The following CCR3 variants were observed in gnomAD, a reference collection of about 807,000 sequenced individuals.
CCR3 encodes C-C motif chemokine receptor 3, also known as C-C chemokine receptor type 3.
For synonymous variants in CCR3, 203 were observed against 179.2 expected, an observed-to-expected ratio of 1.13 and a Z score of -1.06; for missense variants, 419 against 437.5, an observed-to-expected ratio of 0.96 and a Z score of 0.38.
intron 1 of CCR3, among the ~76,000 whole-genome samples, chr3:46,246,241 G>A (rs1700187044): frequency 6.6e-6 from 1 of 152,150 alleles, no homozygotes; most frequent in African/African-American, 2.4e-5. Context: ...CTGGACACTA[G>A]GCCTGTACTG....
rs536822674 is a variant in CCR3 at position 46,221,217 on chromosome 3, C to T, written c.-68+10310C>T. On this transcript the variant is annotated intron_variant, in intron 2 of 3. Coordinates refer to the CCR3 transcript ENST00000357422. ...GTTGTGCCTGTTTTGATTCTTCCTC[C>T]AGAAAGCTGGTTGTTAACATTTACC... is the stretch of plus-strand genomic sequence containing the variant. Among the ~76,000 whole-genome samples the T allele has an allele frequency of 4.8e-5, 7 of 146,872 alleles. No individual in the cohort carries two copies. In the South Asian group the frequency reaches 1.6e-3, roughly 33 times the overall value.
chr3:46,265,978 G>T lies in CCR3; in HGVS notation c.820G>T (p.Glu274Ter). 6.2e-7 allele frequency: 1 copy of T among 1,614,078 alleles called. No individual in the cohort carries two copies. Among genetic ancestry groups the T allele is most frequent in the Non-Finnish European group, 8.5e-7 (1 of 1,180,010 alleles). The change falls in exon 2 of 2, where the codon GAG becomes TAG. Residue 274 changes from glutamate (E) to a stop codon, truncating the protein, a stop_gained. Coordinates refer to ENST00000395940, the MANE Select transcript of CCR3 (RefSeq NM_178329.3). LOFTEE classifies it low-confidence loss of function (END_TRUNC). ...YQSILFGNDCERSKHLDLVML... is the reference protein window; with the variant it reads ...YQSILFGNDC ...ATCCATCTTATTTGGAAATGACTGT[G>T]AGCGGAGCAAGCATCTGGACCTGGT...
intron 1 of CCR3, chr3:46,264,526 A>G (rs955265094): frequency 1.1e-6 from 1 of 930,178 alleles, no homozygotes; most frequent in Admixed American, 2.4e-5. Flanking sequence ...GGAGAAATGG[A>G]CATGGATAGA....
rs199716185 is a variant in CCR3, at chr3:46,265,545, C to A, written c.387C>A (p.Ile129=). The A allele has an allele frequency of 6.2e-6, 10 of 1,614,088 alleles. No homozygotes were observed. The highest frequency in any genetic ancestry group is 7.6e-6 in the Non-Finnish European group (9 of 1,179,996). ...TCTTTTTCATAATCCTGCTGACAAT[C>A]GACAGGTACCTGGCCATTGTCCATG... ...SEIFFIILLT[I]DRYLAIVHAV... Residue 129 remains isoleucine (I), a synonymous_variant, in exon 2 of 2, where the codon ATC becomes ATA. Coordinates refer to ENST00000395940, the MANE Select transcript of CCR3 (RefSeq NM_178329.3).
At chr3:46,227,171 A>T (rs1479883508) in intron 2 of CCR3, among the ~76,000 whole-genome samples, 2 of 152,150 alleles carry the variant, frequency 1.3e-5, no homozygotes, top group African/African-American at 4.8e-5. Flanking sequence ...GACCTGAGCC[A>T]CCACGCCCAG....
intron 2 of CCR3, among the ~76,000 whole-genome samples, chr3:46,213,569 C>A (rs888963453): frequency 1.3e-5 from 2 of 152,174 alleles, no homozygotes; most frequent in African/African-American, 2.4e-5. Context: ...CCACAATGCA[C>A]AAATTTCCTC....
upstream of CCR3, among the ~76,000 whole-genome samples, chr3:46,239,948 C>T (rs1700062802): frequency 1.3e-5 from 2 of 152,234 alleles, no homozygotes; most frequent in Non-Finnish European, 2.9e-5. Flanking sequence ...TCCCACATTT[C>T]CATGGAATCT....
At chr3:46,231,589 T>C (rs1199767996) in intron 2 of CCR3, among the ~76,000 whole-genome samples, 4 of 152,210 alleles carry the variant, frequency 2.6e-5, no homozygotes, top group Non-Finnish European at 5.9e-5. Flanking sequence ...CACTGCATCG[T>C]ATACTTAAAA....
chr3:46,260,001 A>T (rs568762060), intron 1 of CCR3, among the ~76,000 whole-genome samples: 106 of 152,350 alleles, frequency 7.0e-4, no homozygotes, highest in African/African-American at 2.5e-3. Context: ...GAGGCCTCAC[A>T]ATCATGAGGG....
Position 46,265,709 on chromosome 3 carries a change from G to A in CCR3, c.551G>A (p.Ser184Asn). 13 of 1,613,980 alleles carry A rather than the reference G, an allele frequency of 8.1e-6. No individual in the cohort carries two copies. The highest frequency in any genetic ancestry group is 1.1e-5 in the Non-Finnish European group (13 of 1,179,978). ...TEELFEETLC[S>N]ALYPEDTVYS... ...GAGTTGTTTGAAGAGACTCTTTGCA[G>A]TGCTCTTTACCCAGAGGATACAGTA... The change falls in exon 2 of 2, where the codon AGT (serine) becomes AAT (asparagine). Residue 184 changes from serine (S) to asparagine (N), a missense_variant. Ser to Asn is a conservative substitution (Grantham distance 46). Coordinates refer to ENST00000395940, the MANE Select transcript of CCR3 (RefSeq NM_178329.3).
At chr3:46,220,727 T>A (rs1699826726) in intron 2 of CCR3, among the ~76,000 whole-genome samples, 1 of 152,220 alleles carries the variant, frequency 6.6e-6, no homozygotes, top group Admixed American at 6.5e-5. Flanking sequence ...TTGGAGACCA[T>A]TATTCCAAGT....
At chr3:46,248,629 AT>A (rs1313771791) in intron 1 of CCR3, among the ~76,000 whole-genome samples, 2 of 152,134 alleles carry the variant, frequency 1.3e-5, no homozygotes. Context: ...ACAGATGACG[AT>A]GAAATTTGGG....
intron 1 of CCR3, among the ~76,000 whole-genome samples, chr3:46,242,963 G>GTATATATATATATACATA (rs1553644057): frequency 1.2e-5 from 1 of 86,298 alleles, no homozygotes; most frequent in African/African-American, 4.7e-5. Context: ...ATATATATGT[G>GTATATATATATATACATA]TATATATATA....
chr3:46,265,042 A>T, intron 1 of CCR3, 106 bp from the exon 2 acceptor site: 1 of 708,330 alleles, frequency 1.4e-6, no homozygotes, highest in Non-Finnish European at 2.4e-6. Context: ...CTAGGCTGCT[A>T]TCACATGTGG....
chr3:46,266,150 T>C lies in CCR3; in HGVS notation c.992T>C (p.Leu331Pro). ...LMHLGRYIPFLPSEKLERTSS... is the reference protein window; with the variant it reads ...LMHLGRYIPFPPSEKLERTSS... Reference sequence around the variant, plus strand: ...CACCTGGGCAGATACATCCCATTCCTTCCTAGTGAGAAGCTGGAAAGAACC... The same window carrying C: ...CACCTGGGCAGATACATCCCATTCCCTCCTAGTGAGAAGCTGGAAAGAACC... The change falls in exon 2 of 2, where the codon CTT (leucine) becomes CCT (proline). Residue 331 changes from leucine to proline, a missense_variant. Leu to Pro is a moderately conservative substitution (Grantham distance 98, BLOSUM62 -3). Coordinates refer to ENST00000395940, the MANE Select transcript of CCR3 (RefSeq NM_178329.3). 1 of 1,614,080 alleles carries C rather than the reference T, an allele frequency of 6.2e-7. No individual in the cohort carries two copies. Among genetic ancestry groups the C allele is most frequent in the Non-Finnish European group, 8.5e-7 (1 of 1,179,996 alleles).
intron 2 of CCR3, among the ~76,000 whole-genome samples, chr3:46,226,986 C>T (rs1270118023): frequency 1.3e-5 from 2 of 152,170 alleles, no homozygotes; most frequent in East Asian, 3.9e-4. Flanking sequence ...ATTCTCATGC[C>T]TCAGCCTCCT....
chr3:46,235,862 G>A (rs1409775328), intron 2 of CCR3, among the ~76,000 whole-genome samples: 1 of 152,140 alleles, frequency 6.6e-6, no homozygotes. Flanking sequence ...GCTGCCGAAG[G>A]CTCTACGCAC....
At chr3:46,236,335 A>G (rs947770211) in intron 2 of CCR3, among the ~76,000 whole-genome samples, 3 of 152,238 alleles carry the variant, frequency 2.0e-5, no homozygotes, top group Admixed American at 1.3e-4. Flanking sequence ...AAAAGGGAAG[A>G]CACCGGCTGC....
chr3:46,233,106 C>T (rs556761250), intron 2 of CCR3, among the ~76,000 whole-genome samples: 17 of 152,382 alleles, frequency 1.1e-4, no homozygotes, highest in African/African-American at 4.1e-4. Flanking sequence ...GCTGGGATTA[C>T]TGGCGTGAGC....
Sources: allele counts gnomAD v4.1 joint callset (sites outside exome capture counted in the v4.1 genomes callset), GRCh38; gene constraint gnomAD v4.1.1; transcripts MANE v1.5; gene names NCBI Gene and HGNC (gene_info 2026-07-23, HGNC 2026-07-21).